ADAMTS9: variants seen among roughly 807,000 people sequenced by gnomAD.
ADAMTS9 encodes A disintegrin and metalloproteinase with thrombospondin motifs 9.
A neutral mutation model predicts 257.1 loss-of-function variants in ADAMTS9; 107 were observed. The ratio of observed to expected loss-of-function variants is 0.42; its 90% CI spans 0.36 to 0.49. The LOEUF is 0.49. Ranked by LOEUF, ADAMTS9 falls within the 20% of genes least tolerant of loss-of-function variation. The pLI, the probability that ADAMTS9 is intolerant of heterozygous loss-of-function variation, is 0.03. For missense variants in ADAMTS9, 2,353 were observed against 2,469.1 expected (o/e 0.95, Z 1.00); for synonymous variants, 982 against 880.9 (o/e 1.11, Z -2.03).
chr3:64,673,985 A>C (rs1199732822), intron 3 of ADAMTS9, among the ~76,000 whole-genome samples: 2 of 152,080 alleles, frequency 1.3e-5, no homozygotes. Flanking sequence ...AAAAAAATTT[A>C]ATGAATAAGT....
intron 20 of ADAMTS9, 37 bp downstream of exon 20, chr3:64,615,923 G>A (rs896365900): frequency 1.7e-5 from 28 of 1,609,298 alleles, no homozygotes; most frequent in Non-Finnish European, 2.0e-5. Context: ...TAATCAGACA[G>A]CATCCAAGAA....
At chr3:64,667,632 G>C (rs969109926) in intron 3 of ADAMTS9, among the ~76,000 whole-genome samples, 4 of 152,166 alleles carry the variant, frequency 2.6e-5, no homozygotes, top group Non-Finnish European at 5.9e-5. Flanking sequence ...TTGGGCATGA[G>C]AGCTGGGTGC....
intron 3 of ADAMTS9, among the ~76,000 whole-genome samples, chr3:64,660,980 G>A (rs1364544944): frequency 6.6e-6 from 1 of 152,144 alleles, no homozygotes; most frequent in Non-Finnish European, 1.5e-5. Flanking sequence ...TATTTAAGAT[G>A]GAAAGGCATT....
intron 3 of ADAMTS9, among the ~76,000 whole-genome samples, chr3:64,674,709 C>T (rs1373678445): frequency 6.6e-6 from 1 of 152,186 alleles, no homozygotes; most frequent in Non-Finnish European, 1.5e-5. Flanking sequence ...GGGGCCCAGG[C>T]AGGATTCTGA....
At chr3:64,616,782 A>G (rs1041817105) in intron 19 of ADAMTS9, among the ~76,000 whole-genome samples, 4 of 152,146 alleles carry the variant, frequency 2.6e-5, no homozygotes, top group African/African-American at 4.8e-5. Flanking sequence ...TGACCTTAAA[A>G]TGTATTTTGT....
chr3:64,515,853 T>C lies in ADAMTS9; in HGVS notation c.*1274A>G, dbSNP rs1033156240. ...GGTTTCTCAAACCAAGTGTCTTCCA[T>C]GGGCCATTGGCAAAGGCTTCCCTTC... On this transcript the variant is annotated 3_prime_UTR_variant, in exon 40 of 40. Transcript: ENST00000498707. The C allele has an allele frequency of 2.6e-5, 4 of 152,202 alleles. No homozygotes were observed. Among genetic ancestry groups the C allele is most frequent in the Non-Finnish European group, 5.9e-5 (4 of 68,046 alleles). The allele number at this position is 152,202 out of a possible 1,614,324, so 9.4% of individuals were successfully genotyped here.
At chr3:64,543,107 A>C (rs1017186768) in intron 32 of ADAMTS9, among the ~76,000 whole-genome samples, 1 of 152,218 alleles carries the variant, frequency 6.6e-6, no homozygotes, top group African/African-American at 2.4e-5. Context: ...CAGGCTCTGA[A>C]ATTGAGGCAA....
At chr3:64,559,898 T>G (rs551748545) in intron 30 of ADAMTS9, among the ~76,000 whole-genome samples, 1 of 152,150 alleles carries the variant, frequency 6.6e-6, no homozygotes, top group Admixed American at 6.5e-5. Context: ...CAGGGTTGAG[T>G]TTAGCGTGAC....
At chr3:64,655,265 ACTTGGTAT>A (rs1701036587) in intron 6 of ADAMTS9, among the ~76,000 whole-genome samples, 1 of 152,040 alleles carries the variant, frequency 6.6e-6, no homozygotes, top group East Asian at 1.9e-4. Flanking sequence ...TTTATTCCTC[ACTTGGTAT>A]CTATAGGTTC....
At chr3:64,666,727 G>C (rs1426968105) in intron 3 of ADAMTS9, among the ~76,000 whole-genome samples, 2 of 152,178 alleles carry the variant, frequency 1.3e-5, no homozygotes, top group East Asian at 1.9e-4. Flanking sequence ...ATGACACAGA[G>C]GACAGGTCCA....
rs2083424548 is a variant in ADAMTS9 at position 64,561,636 on chromosome 3, C to T, written c.4640G>A (p.Arg1547His). 4 of 1,614,076 alleles carry T rather than the reference C, an allele frequency of 2.5e-6. No individual in the cohort carries two copies. The highest frequency in any genetic ancestry group is 2.2e-5 in the South Asian group (2 of 91,082). ...CNPYTRPESE[R>H]DCQGPRCPLY... ...GGGACACCGTGGGCCTTGGCAGTCG[C>T]GTTCCGACTCCGGTCTGGTGTATGG... Residue 1547 changes from arginine (R) to histidine (H), a missense_variant, in exon 30 of 40, where the codon CGC (arginine) becomes CAC (histidine). Arg to His is a conservative substitution (Grantham distance 29). Coordinates refer to ENST00000498707, the MANE Select transcript of ADAMTS9 (RefSeq NM_182920.2).
intron 25 of ADAMTS9, 25 bp downstream of exon 25, chr3:64,603,897 A>G (rs1228057971): frequency 6.2e-7 from 1 of 1,611,180 alleles, no homozygotes; most frequent in Non-Finnish European, 8.5e-7. Context: ...CATTCCCCCT[A>G]ATTCCAAATA....
chr3:64,596,581 ATAACT>A (rs1435375467), intron 27 of ADAMTS9, among the ~76,000 whole-genome samples: 1 of 152,194 alleles, frequency 6.6e-6, no homozygotes, highest in Non-Finnish European at 1.5e-5. Context: ...AGGTGAACAA[ATAACT>A]TAAACCAGTA....
At chr3:64,567,866 A>C (rs1390505184) in intron 29 of ADAMTS9, among the ~76,000 whole-genome samples, 1 of 152,144 alleles carries the variant, frequency 6.6e-6, no homozygotes, top group Non-Finnish European at 1.5e-5. Flanking sequence ...CCAAGGTCAT[A>C]TAGCTAGAAA....
intron 3 of ADAMTS9, among the ~76,000 whole-genome samples, chr3:64,663,231 C>G (rs987442947): frequency 6.6e-6 from 1 of 151,950 alleles, no homozygotes; most frequent in Non-Finnish European, 1.5e-5. Context: ...TTAAACTGTA[C>G]AGTTTAAATG....
intron 28 of ADAMTS9, among the ~76,000 whole-genome samples, chr3:64,574,092 A>G (rs6771037): frequency 0.032 from 4,836 of 152,252 alleles, 254 homozygotes; most frequent in African/African-American, 0.11. Context: ...TGTTTTTGTA[A>G]AGGCCGGAAT....
intron 16 of ADAMTS9, among the ~76,000 whole-genome samples, chr3:64,625,280 A>G (rs1378560891): frequency 6.6e-6 from 1 of 152,168 alleles, no homozygotes; most frequent in Non-Finnish European, 1.5e-5. Flanking sequence ...AGTGGACAAG[A>G]TGTCTTAGGT....
At chr3:64,595,067 T>TACCAA (rs1405994553) in intron 27 of ADAMTS9, among the ~76,000 whole-genome samples, 267 of 115,004 alleles carry the variant, frequency 2.3e-3, no homozygotes, top group Admixed American at 6.1e-3. Flanking sequence ...CTTTGAGAAA[T>TACCAA]ACCAAACCAA....
At chr3:64,671,295 A>G (rs1559821581) in intron 3 of ADAMTS9, among the ~76,000 whole-genome samples, 1 of 152,204 alleles carries the variant, frequency 6.6e-6, no homozygotes. Flanking sequence ...GCAAAACTAT[A>G]GAGACAGAAA....
Sources: gnomAD v4.1 joint callset for allele counts (sites outside exome capture counted in the v4.1 genomes callset) on GRCh38, gnomAD v4.1.1 for gene constraint, MANE v1.5 for transcripts, NCBI Gene and HGNC (gene_info 2026-07-23, HGNC 2026-07-21) for gene names.